ATP6V0E2: variants seen among roughly 807,000 people sequenced by gnomAD.
ATP6V0E2 encodes ATPase H+ transporting V0 subunit e2, also known as V-type proton ATPase subunit e 2.
ATP6V0E2 carries 4 observed loss-of-function variants against 11.5 expected under a neutral mutation model. The observed-to-expected ratio is 0.35, with a 90% confidence interval of 0.17 to 0.80. ATP6V0E2 has a LOEUF of 0.80. Among genes scored for constraint, ATP6V0E2 ranks in the 30% least tolerant of loss-of-function variants. The probability of loss-of-function intolerance (pLI) is 0.53; values close to 1 mark genes in which losing one functional copy is unlikely to be tolerated. For synonymous variants in ATP6V0E2, 52 were observed against 51.0 expected (o/e 1.02, Z -0.09); for missense variants, 93 against 113.5 (o/e 0.82, Z 0.82).
intron 1 of ATP6V0E2, 78 bp downstream of exon 1, chr7:149,874,247 C>T: frequency 1.4e-6 from 2 of 1,453,120 alleles, no homozygotes; most frequent in Non-Finnish European, 1.8e-6. Flanking sequence ...CCCGGGGCGG[C>T]GGCTTCCTGC....
In ATP6V0E2 at chr7:149,875,597, G is replaced by T; in HGVS notation, c.105-1G>T. Reference sequence around the variant, plus strand: ...CTGACCCGTGTCCTCTTCTGCTGCAGAGTGATCATCACCATGCTGGTCGCC... The same window carrying T: ...CTGACCCGTGTCCTCTTCTGCTGCATAGTGATCATCACCATGCTGGTCGCC... On this transcript the variant is annotated splice_acceptor_variant, in intron 1 of 3. Transcript: ENST00000425642. LOFTEE classifies it high-confidence loss of function. The T allele has an allele frequency of 6.2e-7, 1 of 1,613,838 alleles. No individual in the cohort carries two copies. Among genetic ancestry groups the T allele is most frequent in the Non-Finnish European group, 8.5e-7 (1 of 1,179,862 alleles).
chr7:149,874,057 C>T lies in ATP6V0E2; in HGVS notation c.-9C>T. ...CCCTGCATCCTGCCTGGGCATCCTG[C>T]GCCCGGCCATGACGGCGCACTCATT... On this transcript the variant is annotated 5_prime_UTR_variant, in exon 1 of 4. Transcript: ENST00000425642. 6.5e-7 allele frequency: 1 copy of T among 1,549,870 alleles called. No homozygotes were observed. Among genetic ancestry groups the T allele is most frequent in the African/African-American group, 1.4e-5 (1 of 73,166 alleles).
intron 2 of ATP6V0E2, among the ~76,000 whole-genome samples, chr7:149,876,837 G>A (rs1490960553): frequency 6.6e-6 from 1 of 152,192 alleles, no homozygotes; most frequent in Non-Finnish European, 1.5e-5. Flanking sequence ...CAGGTAAAGT[G>A]ATGAGATGCT....
chr7:149,875,445 A>G (rs1803072239), intron 1 of ATP6V0E2, among the ~76,000 whole-genome samples, 153 bp from the exon 2 acceptor site: 1 of 152,004 alleles, frequency 6.6e-6, no homozygotes, highest in Non-Finnish European at 1.5e-5. Flanking sequence ...TGCTATTCTT[A>G]CCCTGAGTAG....
chr7:149,876,017 T>C (rs1257482418), intron 2 of ATP6V0E2: 5 of 484,126 alleles, frequency 1.0e-5, no homozygotes, highest in South Asian at 6.2e-5. Context: ...ACTCTCGAGA[T>C]CTGCACTTGG....
intron 3 of ATP6V0E2, 87 bp downstream of exon 3, chr7:149,878,877 T>TGAAAAGAAAAGGTGG (rs1803301192): frequency 1.0e-5 from 6 of 594,152 alleles, no homozygotes; most frequent in Admixed American, 8.2e-5. Context: ...CATATTATTT[T>TGAAAAGAAAAGGTGG]GGATGCGGCC....
At chr7:149,874,551 T>A in intron 1 of ATP6V0E2, 1 of 204,166 alleles carries the variant, frequency 4.9e-6, no homozygotes, top group Non-Finnish European at 9.8e-6. Context: ...GACTCCTGCC[T>A]TAAAAGGCTG....
At position 149,879,639 on chromosome 7, in the gene ATP6V0E2, T is replaced by C. The variant is rs779063131; in HGVS notation, c.*324T>C. The stretch of plus-strand genomic sequence containing the variant: ...GCTGGTATGGGTGGGGTCTTTCCCT[T>C]TACAGACGGGGCAGATGCCAGGACT... On this transcript the variant is annotated 3_prime_UTR_variant, in exon 4 of 4. Coordinates refer to ENST00000425642, the MANE Select transcript of ATP6V0E2 (RefSeq NM_145230.4). 5.2e-5 allele frequency: 76 copies of C among 1,457,182 alleles called. No individual in the cohort carries two copies. Among genetic ancestry groups the C allele is most frequent in the Non-Finnish European group, 6.5e-5 (72 of 1,101,736 alleles). The allele number at this position is 1,457,182 out of a possible 1,614,324, so 90.3% of individuals were successfully genotyped here. A position where few individuals can be genotyped will look rare whatever the true frequency, so the allele number is the denominator to read the frequency against.
chr7:149,874,424 G>A lies in ATP6V0E2; in HGVS notation c.104+255G>A, dbSNP rs571680248. On this transcript the variant is annotated intron_variant, in intron 1 of 3. Transcript: ENST00000425642. Reference sequence around the variant, plus strand: ...ATTGGAGATGTCTGTCACCCCTCCTGCAGCCAGTAAAGGGCACAAGTGGGC... The same window carrying A: ...ATTGGAGATGTCTGTCACCCCTCCTACAGCCAGTAAAGGGCACAAGTGGGC... 9.7e-4 allele frequency among the ~76,000 whole-genome samples: 148 copies of A among 152,304 alleles called. 1 individual carries two copies. The highest frequency in any genetic ancestry group is 6.8e-3 in the Middle Eastern group (2 of 294).
upstream of ATP6V0E2, chr7:149,873,757 T>C: frequency 1.1e-6 from 1 of 950,342 alleles, no homozygotes; most frequent in Non-Finnish European, 1.5e-6. Context: ...ACGTTGGCTG[T>C]GCGGGCGCGG....
At position 149,880,040 on chromosome 7, in the gene ATP6V0E2, G is replaced by C. The variant is rs957201105; in HGVS notation, c.*725G>C. On this transcript the variant is annotated 3_prime_UTR_variant, in exon 4 of 4. Coordinates refer to ENST00000425642, the MANE Select transcript of ATP6V0E2 (RefSeq NM_145230.4). ...TCCCCCGACCCCAGCCTGTCAGTCC[G>C]AGCACAGTGCAGGTTTGGCTCTGAC... 1 of 180,580 alleles carries C rather than the reference G, an allele frequency of 5.5e-6. No individual in the cohort carries two copies. The highest frequency in any genetic ancestry group is 2.2e-3 in the Middle Eastern group (1 of 458). 11.2% of individuals were successfully genotyped at this position (180,580 alleles called of 1,614,324 possible). A position where few individuals can be genotyped will look rare whatever the true frequency, so the allele number is the denominator to read the frequency against.
intron 1 of ATP6V0E2, 93 bp from the exon 2 acceptor site, chr7:149,875,505 G>A (rs1803076306): frequency 7.8e-7 from 1 of 1,284,250 alleles, no homozygotes; most frequent in Non-Finnish European, 1.1e-6. Context: ...ATGGAAAAGA[G>A]CTCACACCAG....
At position 149,880,191 on chromosome 7, in the gene ATP6V0E2, T is replaced by C. The variant is rs540514087; in HGVS notation, c.*876T>C. ...GCGCTATGGGACGGGCCAGCCCTGCTCCTGAGCCAGCCCCGCCCTCTGCCC... is the reference window on the plus strand; with the variant it reads ...GCGCTATGGGACGGGCCAGCCCTGCCCCTGAGCCAGCCCCGCCCTCTGCCC... On this transcript the variant is annotated 3_prime_UTR_variant, in exon 4 of 4. Coordinates refer to ENST00000425642, the MANE Select transcript of ATP6V0E2 (RefSeq NM_145230.4). 1 of 153,086 alleles carries C rather than the reference T, an allele frequency of 6.5e-6. No homozygotes were observed. The highest frequency in any genetic ancestry group is 2.4e-5 in the African/African-American group (1 of 41,574). The allele number at this position is 153,086 out of a possible 1,614,324, so 9.5% of individuals were successfully genotyped here.
upstream of ATP6V0E2, chr7:149,873,772 G>A (rs1054343779): frequency 8.7e-7 from 1 of 1,154,406 alleles, no homozygotes. Context: ...GCGCGGGGCT[G>A]ACGCGGACCC....
At chr7:149,876,819 A>G (rs1045372328) in intron 2 of ATP6V0E2, among the ~76,000 whole-genome samples, 2 of 152,216 alleles carry the variant, frequency 1.3e-5, no homozygotes, top group African/African-American at 4.8e-5. Context: ...AGAATAATCA[A>G]AACAGGACAG....
intron 1 of ATP6V0E2, chr7:149,874,601 C>T (rs969892421): frequency 5.8e-6 from 1 of 173,510 alleles, no homozygotes; most frequent in Admixed American, 5.9e-5. Flanking sequence ...AAAACACCTA[C>T]CAGTGCGTGA....
chr7:149,877,716 G>T (rs534594199), intron 2 of ATP6V0E2, among the ~76,000 whole-genome samples: 15 of 152,232 alleles, frequency 9.9e-5, no homozygotes, highest in African/African-American at 3.4e-4. Flanking sequence ...CTGGGAGGGT[G>T]GGGGAGACGG....
rs1013624119 is a variant in ATP6V0E2, at chr7:149,879,111, G to A, written c.*20-224G>A. On this transcript the variant is annotated intron_variant, in intron 3 of 3. Transcript: ENST00000425642. ...CCTTCCTGCCTGGCCTGTGTTGGCC[G>A]CCAGGGATGAAATGGGAACCATGCT... 7.0e-5 allele frequency: 98 copies of A among 1,395,686 alleles called. 1 individual carries two copies. The highest frequency in any genetic ancestry group is 8.6e-5 in the African/African-American group (6 of 69,384). The allele number at this position is 1,395,686 out of a possible 1,614,324, so 86.5% of individuals were successfully genotyped here.
In ATP6V0E2 at chr7:149,877,349, A is replaced by G. The variant is rs569520902; in HGVS notation, c.153-1329A>G. ...AGGCATGTGCCACCATGCCTGGCTGATTTTTAAATTTTCTGTAGGACAGGG... is the reference window on the plus strand; with the variant it reads ...AGGCATGTGCCACCATGCCTGGCTGGTTTTTAAATTTTCTGTAGGACAGGG... On this transcript the variant is annotated intron_variant, in intron 2 of 3. Coordinates refer to ENST00000425642, the MANE Select transcript of ATP6V0E2 (RefSeq NM_145230.4). Among the ~76,000 whole-genome samples the G allele has an allele frequency of 2.6e-5, 4 of 152,186 alleles. No homozygotes were observed. The South Asian group carries it at 6.2e-4, about 24-fold the overall frequency.
Sources: allele counts gnomAD v4.1 joint callset (sites outside exome capture counted in the v4.1 genomes callset), GRCh38; gene constraint gnomAD v4.1.1; transcripts MANE v1.5; gene names NCBI Gene and HGNC (gene_info 2026-07-23, HGNC 2026-07-21).